The following CTNNA2 variants were observed in gnomAD, a reference collection of about 807,000 sequenced individuals.
CTNNA2 encodes catenin alpha 2.
Under a neutral mutation model 101.0 loss-of-function variants are expected in CTNNA2, and 42 were observed. The observed-to-expected ratio is 0.42, with a 90% CI of 0.32 to 0.54. CTNNA2 has a LOEUF of 0.54. Among genes scored for constraint, CTNNA2 ranks in the 20% least tolerant of loss-of-function variants. The pLI is 0.14. For synonymous variants in CTNNA2, 450 were observed against 456.4 expected (o/e 0.99, Z 0.18); for missense variants, 871 against 1,223.1 (o/e 0.71, Z 4.29).
At chr2:80,485,986 A>G (rs1686549817) in intron 9 of CTNNA2, among the ~76,000 whole-genome samples, 1 of 152,004 alleles carries the variant, frequency 6.6e-6, no homozygotes. Context: ...GACATTATTC[A>G]TGTTGAATTT....
At chr2:79,870,292 TG>T (rs1261818582) in intron 5 of CTNNA2, among the ~76,000 whole-genome samples, 2 of 152,208 alleles carry the variant, frequency 1.3e-5, no homozygotes, top group Non-Finnish European at 2.9e-5. Context: ...TGTCACCCTT[TG>T]CCCTCACTTT....
intron 4 of CTNNA2, among the ~76,000 whole-genome samples, chr2:79,431,709 C>A (rs1172619454): frequency 6.6e-6 from 1 of 152,114 alleles, no homozygotes; most frequent in Non-Finnish European, 1.5e-5. Flanking sequence ...ATTTAGTTCC[C>A]TCTCTCACCC....
intron 2 of CTNNA2, among the ~76,000 whole-genome samples, chr2:79,280,685 A>AAGAGAGAGAG (rs1303364237): frequency 2.3e-5 from 2 of 88,446 alleles, no homozygotes; most frequent in South Asian, 3.6e-4. Flanking sequence ...GAGAGAGAGA[A>AAGAGAGAGAG]AGAGAGAGAG....
At chr2:79,626,158 T>C (rs370600796) in intron 1 of CTNNA2, among the ~76,000 whole-genome samples, 1 of 152,276 alleles carries the variant, frequency 6.6e-6, no homozygotes, top group East Asian at 1.9e-4. Flanking sequence ...TAGGAATCAG[T>C]TCCTCAAGCA....
chr2:79,516,355 G>A (rs1671808582), intron 1 of CTNNA2, among the ~76,000 whole-genome samples: 1 of 152,166 alleles, frequency 6.6e-6, no homozygotes. Flanking sequence ...TAGAGGAATT[G>A]GGAAGAAGAC....
intron 9 of CTNNA2, among the ~76,000 whole-genome samples, chr2:80,524,780 TCTCA>T (rs905254702): frequency 1.3e-5 from 2 of 152,128 alleles, no homozygotes; most frequent in African/African-American, 4.8e-5. Context: ...ATACATGCTC[TCTCA>T]CACACAAAAA....
intron 3 of CTNNA2, among the ~76,000 whole-genome samples, chr2:79,338,578 A>ATCTTCTTCT (rs70940029): frequency 0.011 from 1,298 of 117,716 alleles, 13 homozygotes; most frequent in Middle Eastern, 0.031. Flanking sequence ...CCTCCTCATC[A>ATCTTCTTCT]TCTTCTTCTT....
intron 18 of CTNNA2, among the ~76,000 whole-genome samples, chr2:80,621,758 G>A (rs1671145843): frequency 7.6e-6 from 1 of 131,586 alleles, no homozygotes; most frequent in African/African-American, 2.5e-5. Flanking sequence ...GTACTATGGG[G>A]GATAAAAAAG....
chr2:80,213,446 T>A (rs2149039975), intron 7 of CTNNA2, among the ~76,000 whole-genome samples: 1 of 152,354 alleles, frequency 6.6e-6, no homozygotes, highest in South Asian at 2.1e-4. Context: ...AGAACATTTT[T>A]ATTTCTGCCT....
chr2:79,814,331 T>C (rs960468336), intron 3 of CTNNA2, among the ~76,000 whole-genome samples: 3 of 152,132 alleles, frequency 2.0e-5, no homozygotes, highest in African/African-American at 4.8e-5. Flanking sequence ...TGGTGCACCC[T>C]GCACCTATCA....
chr2:79,753,291 G>T (rs952005843), intron 3 of CTNNA2, among the ~76,000 whole-genome samples: 2 of 152,158 alleles, frequency 1.3e-5, no homozygotes, highest in Admixed American at 6.5e-5. Flanking sequence ...TAAAAATGGG[G>T]TGTTCACATA....
chr2:80,612,392 A>C (rs1384149610), intron 17 of CTNNA2, among the ~76,000 whole-genome samples: 2 of 151,640 alleles, frequency 1.3e-5, no homozygotes, highest in African/African-American at 4.8e-5. Flanking sequence ...TCTACCTGAC[A>C]CTGTCATATA....
chr2:79,342,118 G>C (rs1265581903), intron 3 of CTNNA2, among the ~76,000 whole-genome samples: 9 of 152,172 alleles, frequency 5.9e-5, no homozygotes. Flanking sequence ...AGCAACTTCT[G>C]TGTAGCTCTT....
At chr2:80,149,774 T>TCTCACACACACACACACA (rs377159450) in intron 7 of CTNNA2, among the ~76,000 whole-genome samples, 13 of 143,298 alleles carry the variant, frequency 9.1e-5, no homozygotes, top group African/African-American at 3.4e-4. Context: ...TTAGAATGGA[T>TCTCACACACACACACACA]CACACACACA....
intron 2 of CTNNA2, among the ~76,000 whole-genome samples, chr2:79,715,067 CGTG>C (rs1443071305): frequency 6.7e-6 from 1 of 149,042 alleles, no homozygotes; most frequent in Non-Finnish European, 1.5e-5. Context: ...ATTAACCAGG[CGTG>C]GTGGTGGATG....
At chr2:79,621,080 A>C (rs1481684411) in intron 1 of CTNNA2, among the ~76,000 whole-genome samples, 2 of 152,288 alleles carry the variant, frequency 1.3e-5, no homozygotes, top group Middle Eastern at 3.4e-3. Flanking sequence ...TTAAGCTTTT[A>C]CATGTGTGGG....
At chr2:79,248,843 C>A (rs1674731390) in intron 2 of CTNNA2, among the ~76,000 whole-genome samples, 1 of 152,210 alleles carries the variant, frequency 6.6e-6, no homozygotes, top group African/African-American at 2.4e-5. Context: ...GAATGAGACA[C>A]TTAACCCCAG....
At chr2:79,912,872 T>C (rs1224838328) in intron 7 of CTNNA2, among the ~76,000 whole-genome samples, 3 of 152,238 alleles carry the variant, frequency 2.0e-5, no homozygotes, top group Non-Finnish European at 4.4e-5. Flanking sequence ...TGGGAACTTA[T>C]AATTTTATGC....
rs942916888 is a variant in CTNNA2 at position 80,391,104 on chromosome 2, C to G, written c.1057-2107C>G. Among the ~76,000 whole-genome samples the G allele has an allele frequency of 2.0e-5, 3 of 150,430 alleles. No homozygotes were observed. The East Asian group carries it at 5.8e-4, about 29-fold the overall frequency. On this transcript the variant is annotated intron_variant, in intron 7 of 18. Transcript: ENST00000402739. ...CTGAGATTGCGCCACTGTGCTCCAG[C>G]CTGGGTGACAGAGCACGACTGTCTC...
Sources: gnomAD v4.1 joint callset for allele counts (sites outside exome capture counted in the v4.1 genomes callset) on GRCh38, gnomAD v4.1.1 for gene constraint, MANE v1.5 for transcripts, NCBI Gene and HGNC (gene_info 2026-07-23, HGNC 2026-07-21) for gene names.